The following MTMR1 variants were observed in gnomAD, a reference collection of about 807,000 sequenced individuals.
The protein encoded by MTMR1 is myotubularin related protein 1, also known as phosphatidylinositol-3-phosphate phosphatase MTMR1.
In MTMR1, 17 loss-of-function variants were observed where a neutral mutation model predicts 51.6. The observed-to-expected ratio is 0.33, with a 90% CI of 0.23 to 0.49. The LOEUF is 0.49. MTMR1 is among the 20% of genes least tolerant of loss of function. The pLI is 0.99. For synonymous variants in MTMR1, 201 were observed against 205.6 expected (o/e 0.98, Z 0.19); for missense variants, 386 against 526.9 (o/e 0.73, Z 2.62).
rs538859538 is a variant in MTMR1, at chrX:150,717,554, C to T, written c.277-1071C>T. 9.1e-5 allele frequency among the ~76,000 whole-genome samples: 10 copies of T among 110,367 alleles called. No homozygotes were observed. The South Asian group carries it at 3.8e-3, about 42-fold the overall frequency. On this transcript the variant is annotated intron_variant, in intron 3 of 15. Coordinates refer to ENST00000445323, the MANE Select transcript of MTMR1 (RefSeq NM_001306144.3). ...GATCACCTTATTCTTATTCATGACA[C>T]ATTATGTCAGAGATGCCAAGGAGAA...
intron 14 of MTMR1, among the ~76,000 whole-genome samples, chrX:150,754,793 G>A (rs2042853801): frequency 9.0e-6 from 1 of 111,279 alleles, no homozygotes; most frequent in African/African-American, 3.3e-5. Flanking sequence ...GGAGGCCGAG[G>A]TGGGAGGATC....
intron 6 of MTMR1, 59 bp downstream of exon 6, chrX:150,727,850 C>G (rs909341636): frequency 4.8e-6 from 4 of 838,041 alleles, no homozygotes; most frequent in Non-Finnish European, 7.0e-6. Context: ...AACTTTTTCT[C>G]CCTCAGTCTC....
intron 13 of MTMR1, among the ~76,000 whole-genome samples, chrX:150,745,028 G>T (rs1436290997): frequency 2.7e-5 from 3 of 112,730 alleles, no homozygotes; most frequent in African/African-American, 9.7e-5. Flanking sequence ...GCCATCTAGG[G>T]ATCCCCTTCC....
intron 15 of MTMR1, 54 bp downstream of exon 15, chrX:150,755,919 TA>T: frequency 1.0e-6 from 1 of 999,077 alleles, no homozygotes; most frequent in Non-Finnish European, 1.4e-6. Context: ...TTTTTCCAAG[TA>T]AAGATGGTGG....
chrX:150,747,413 C>T (rs2042604639), intron 13 of MTMR1, among the ~76,000 whole-genome samples: 1 of 111,251 alleles, frequency 9.0e-6, no homozygotes, highest in Non-Finnish European at 1.9e-5. Flanking sequence ...TATGATTGTA[C>T]CAGTGCACTC....
chrX:150,714,359 C>T (rs988860653), intron 3 of MTMR1: 8 of 357,409 alleles, frequency 2.2e-5, no homozygotes, highest in African/African-American at 1.6e-4. Context: ...AAAGGTGTGT[C>T]GACTTTTACA....
At chrX:150,758,872 AATTG>A (rs1557417858) in intron 15 of MTMR1, among the ~76,000 whole-genome samples, 1 of 111,902 alleles carries the variant, frequency 8.9e-6, no homozygotes, top group African/African-American at 3.3e-5. Context: ...GCTTGTTATT[AATTG>A]ATCTTTAAGT....
intron 12 of MTMR1, among the ~76,000 whole-genome samples, chrX:150,737,801 T>C (rs2042318249): frequency 8.9e-6 from 1 of 111,881 alleles, no homozygotes; most frequent in Admixed American, 9.5e-5. Context: ...GCGCGGTGGC[T>C]CAGGCCTGTA....
rs782732160 is a variant in MTMR1, at chrX:150,719,831, G to C, written c.352+1131G>C. Among the ~76,000 whole-genome samples the C allele has an allele frequency of 7.2e-5, 8 of 111,796 alleles. No homozygotes were observed. The South Asian group carries it at 3.0e-3, about 42-fold the overall frequency. The stretch of plus-strand genomic sequence containing the variant: ...GAGCAGGGAGCGTTATAAAAGCTTG[G>C]ATTGCAAGCTCACAGTTGTTGTAGT... On this transcript the variant is annotated intron_variant, in intron 4 of 15. Coordinates refer to ENST00000445323, the MANE Select transcript of MTMR1 (RefSeq NM_001306144.3).
In MTMR1 at chrX:150,735,437, T is replaced by C. The variant is rs183658023; in HGVS notation, c.1081-1158T>C. On this transcript the variant is annotated intron_variant, in intron 10 of 15. Transcript: ENST00000445323. ...TCATAAGGGATGTTAATCTGTGGTT[T>C]TCTCTTCTTGTGATGTCTTTGTCTA... The C allele has an allele frequency of 2.4e-5, 12 of 492,838 alleles. No homozygotes were observed. In the East Asian group the frequency reaches 4.1e-4, roughly 17 times the overall value. The allele number at this position is 492,838 out of a possible 1,213,427, so 40.6% of individuals were successfully genotyped here.
intron 6 of MTMR1, among the ~76,000 whole-genome samples, chrX:150,728,146 A>G (rs1041433711): frequency 8.9e-6 from 1 of 112,054 alleles, no homozygotes; most frequent in Non-Finnish European, 1.9e-5. Flanking sequence ...TCATCTGTAT[A>G]TTGCTTATAA....
rs192868418 is a variant in MTMR1, at chrX:150,722,105, A to G, written c.352+3405A>G. 3.6e-5 allele frequency among the ~76,000 whole-genome samples: 4 copies of G among 112,148 alleles called. No homozygotes were observed. In the East Asian group the frequency reaches 8.3e-4, roughly 23 times the overall value. On this transcript the variant is annotated intron_variant, in intron 4 of 15. Coordinates refer to ENST00000445323, the MANE Select transcript of MTMR1 (RefSeq NM_001306144.3). ...TACCTTCATTCCTTTGTGTTAAGAA[A>G]ACATGCTTTTTATAACTTGAATATT...
chrX:150,755,760 C>A lies in MTMR1; in HGVS notation c.1752C>A (p.Phe584Leu). Residue 584 changes from phenylalanine to leucine, a missense_variant, in exon 15 of 16, where the codon TTC becomes TTA. Coordinates refer to ENST00000445323, the MANE Select transcript of MTMR1 (RefSeq NM_001306144.3). ...AGCTAGACGAGTTTTCTAATCCCTT[C>A]TTTGTGAATTATGAAAACCACGTGT... ...NSQLDEFSNP[F>L]FVNYENHVLY... 8.3e-7 allele frequency: 1 copy of A among 1,205,543 alleles called. No individual in the cohort carries two copies. The highest frequency in any genetic ancestry group is 1.1e-6 in the Non-Finnish European group (1 of 891,547).
intron 14 of MTMR1, among the ~76,000 whole-genome samples, chrX:150,751,910 C>CTTTTTTTTTT (rs35937277): frequency 7.0e-4 from 29 of 41,587 alleles, no homozygotes; most frequent in Admixed American, 1.5e-3. Flanking sequence ...CTTTTTCTTT[C>CTTTTTTTTTT]TTTTTTTTTT....
Position 150,693,551 on chromosome X carries a change from G to A in MTMR1, c.21G>A (p.Ala7=). Residue 7 remains alanine (A), a synonymous_variant, in exon 1 of 16, where the codon GCG becomes GCA. Transcript: ENST00000445323. MDRPAA[A]AAAGCEGGGG... Reference sequence around the variant, plus strand: ...GCGCCATGGACAGGCCGGCGGCGGCGGCGGCGGCGGGCTGCGAGGGCGGCG... The same window carrying A: ...GCGCCATGGACAGGCCGGCGGCGGCAGCGGCGGCGGGCTGCGAGGGCGGCG... 1.3e-6 allele frequency: 1 copy of A among 760,101 alleles called. No individual in the cohort carries two copies. The highest frequency in any genetic ancestry group is 1.6e-6 in the Non-Finnish European group (1 of 643,901). 62.6% of individuals were successfully genotyped at this position (760,101 alleles called of 1,213,427 possible).
intron 3 of MTMR1, among the ~76,000 whole-genome samples, chrX:150,717,357 CAAAAAAAAAAAAAA>C (rs35558897): frequency 2.3e-5 from 1 of 42,750 alleles, no homozygotes; most frequent in Non-Finnish European, 4.0e-5. Context: ...GACTCCATCT[CAAAAAAAAAAAAAA>C]AAAAAAAAAA....
intron 7 of MTMR1, 89 bp from the exon 8 acceptor site, chrX:150,730,436 C>T (rs2042081502): frequency 1.6e-6 from 1 of 631,576 alleles, no homozygotes; most frequent in Non-Finnish European, 2.4e-6. Context: ...TTAATACACT[C>T]AGCTCATATT....
At chrX:150,721,330 C>A (rs1213290082) in intron 4 of MTMR1, among the ~76,000 whole-genome samples, 1 of 111,950 alleles carries the variant, frequency 8.9e-6, no homozygotes, top group Non-Finnish European at 1.9e-5. Context: ...GAGAATTATT[C>A]TCTTCCTTAG....
chrX:150,713,893 A>G (rs2041400386), intron 3 of MTMR1, among the ~76,000 whole-genome samples: 1 of 97,361 alleles, frequency 1.0e-5, no homozygotes. Context: ...AATAAGAAAC[A>G]GACATGTATA....
Sources: allele counts gnomAD v4.1 joint callset (sites outside exome capture counted in the v4.1 genomes callset), GRCh38; gene constraint gnomAD v4.1.1; transcripts MANE v1.5; gene names NCBI Gene and HGNC (gene_info 2026-07-23, HGNC 2026-07-21).